NR5A2: variants seen among roughly 807,000 people sequenced by gnomAD.
NR5A2 encodes CYP7A promoter-binding factor.
Under a neutral mutation model 62.7 loss-of-function variants are expected in NR5A2, and 26 were observed. The observed-to-expected ratio is 0.41, with a 90% CI of 0.30 to 0.58. NR5A2 has a LOEUF of 0.58. Among genes scored for constraint, NR5A2 ranks in the 20% least tolerant of loss-of-function variants. NR5A2 has a pLI of 0.22. For synonymous variants in NR5A2, 246 were observed against 241.7 expected (o/e 1.02, Z -0.16); for missense variants, 541 against 669.1 (o/e 0.81, Z 2.11).
intron 1 of NR5A2, among the ~76,000 whole-genome samples, chr1:200,036,836 T>C (rs1319295427): frequency 6.6e-6 from 1 of 152,158 alleles, no homozygotes. Context: ...CCCCTCCATT[T>C]CGCTGCTACG....
intron 7 of NR5A2, among the ~76,000 whole-genome samples, chr1:200,169,632 T>C (rs1469152655): frequency 6.6e-6 from 1 of 152,182 alleles, no homozygotes; most frequent in Non-Finnish European, 1.5e-5. Flanking sequence ...GTAATGCTGC[T>C]TCATATAAAA....
chr1:200,041,454 G>A (rs188167255), intron 2 of NR5A2, among the ~76,000 whole-genome samples: 237 of 152,262 alleles, frequency 1.6e-3, no homozygotes, highest in African/African-American at 5.4e-3. Context: ...GCCCCTGGGG[G>A]ATGGGGACCC....
At chr1:200,059,420 G>A (rs1235714547) in intron 5 of NR5A2, among the ~76,000 whole-genome samples, 1 of 152,184 alleles carries the variant, frequency 6.6e-6, no homozygotes, top group African/African-American at 2.4e-5. Flanking sequence ...CTGCCTAGAA[G>A]TAGCCACATG....
chr1:200,089,552 C>G (rs1043086255), intron 5 of NR5A2, among the ~76,000 whole-genome samples: 1 of 152,214 alleles, frequency 6.6e-6, no homozygotes, highest in African/African-American at 2.4e-5. Flanking sequence ...CTCACTGCAG[C>G]CTGCGCCCCC....
rs1654416490 is a variant in NR5A2, at chr1:200,176,309, T to C, written c.*2099T>C. 1.3e-5 allele frequency: 2 copies of C among 152,652 alleles called. No individual in the cohort carries two copies. Among genetic ancestry groups the C allele is most frequent in the Non-Finnish European group, 2.9e-5 (2 of 68,042 alleles). 9.5% of individuals were successfully genotyped at this position (152,652 alleles called of 1,614,324 possible). A position where few individuals can be genotyped will look rare whatever the true frequency, so the allele number is the denominator to read the frequency against. ...TACAAAGAGGATTATTTTATTATGT[T>C]TATTAATCACCTCTAATACTCATCC... On this transcript the variant is annotated 3_prime_UTR_variant, in exon 8 of 8. Transcript: ENST00000367362.
chr1:200,167,343 C>A (rs147712231), intron 7 of NR5A2, among the ~76,000 whole-genome samples: 1 of 152,204 alleles, frequency 6.6e-6, no homozygotes, highest in Non-Finnish European at 1.5e-5. Context: ...CATCCAGGAC[C>A]CTCACTCTTT....
In NR5A2 at chr1:200,027,908, A is replaced by G. The variant is rs759506185; in HGVS notation, c.61A>G (p.Ile21Val). 14 of 1,584,680 alleles carry G rather than the reference A, an allele frequency of 8.8e-6. No individual in the cohort carries two copies. The highest frequency in any genetic ancestry group is 2.7e-5 in the African/African-American group (2 of 74,012). ...GTCTTTAAAGCACGGACTTACACCTATTGGTAAGTAGGAGTTTCTCTATTG... is the reference window on the plus strand; with the variant it reads ...GTCTTTAAAGCACGGACTTACACCTGTTGGTAAGTAGGAGTTTCTCTATTG... ...QESLKHGLTP[I>V]GAGLPDRHGS... The change falls in exon 1 of 8, where the codon ATT (isoleucine) becomes GTT (valine). Residue 21 changes from isoleucine to valine, a missense_variant. Physicochemically the swap from Ile to Val is conservative, Grantham distance 29 (BLOSUM62 3). Transcript: ENST00000367362.
At chr1:200,162,612 G>C (rs905723273) in intron 7 of NR5A2, among the ~76,000 whole-genome samples, 1 of 152,142 alleles carries the variant, frequency 6.6e-6, no homozygotes, top group Non-Finnish European at 1.5e-5. Flanking sequence ...AATATTGGAG[G>C]AATCAGTTAT....
chr1:200,117,414 G>A lies in NR5A2; in HGVS notation c.1231-3394G>A, dbSNP rs370834646. On this transcript the variant is annotated intron_variant, in intron 6 of 7. Coordinates refer to ENST00000367362, the MANE Select transcript of NR5A2 (RefSeq NM_205860.3). ...TAAGCATGTTTGAGCTTTCAAATTAGCATGTAAATAAATGTATAGTTATAA... is the reference window on the plus strand; with the variant it reads ...TAAGCATGTTTGAGCTTTCAAATTAACATGTAAATAAATGTATAGTTATAA... Among the ~76,000 whole-genome samples, 23 of 152,224 alleles carry A rather than the reference G, an allele frequency of 1.5e-4. 1 individual carries two copies. In the East Asian group the frequency reaches 2.5e-3, roughly 17 times the overall value.
At chr1:200,088,438 G>A (rs1249081628) in intron 5 of NR5A2, among the ~76,000 whole-genome samples, 1 of 151,816 alleles carries the variant, frequency 6.6e-6, no homozygotes, top group Non-Finnish European at 1.5e-5. Flanking sequence ...TGTATTTTTA[G>A]TAGTGACAGG....
At chr1:200,137,667 T>C (rs768252962) in intron 7 of NR5A2, among the ~76,000 whole-genome samples, 1 of 152,212 alleles carries the variant, frequency 6.6e-6, no homozygotes, top group Non-Finnish European at 1.5e-5. Context: ...GATTAAAACA[T>C]GAATTTGTGT....
intron 1 of NR5A2, among the ~76,000 whole-genome samples, chr1:200,035,450 A>G (rs1436543866): frequency 2.0e-5 from 3 of 151,880 alleles, no homozygotes; most frequent in Non-Finnish European, 4.4e-5. Context: ...GCACGGGTCA[A>G]GCGCGCGGGG....
At chr1:200,154,846 G>A (rs747063376) in intron 7 of NR5A2, among the ~76,000 whole-genome samples, 2 of 152,116 alleles carry the variant, frequency 1.3e-5, no homozygotes, top group Non-Finnish European at 2.9e-5. Flanking sequence ...ATCTACCCAC[G>A]TCTTCTCTTC....
At chr1:200,171,536 G>A (rs779656657) in intron 7 of NR5A2, among the ~76,000 whole-genome samples, 13 of 152,288 alleles carry the variant, frequency 8.5e-5, no homozygotes, top group Middle Eastern at 3.4e-3. Context: ...ATCACTGGAA[G>A]TCAGGAATTT....
chr1:200,027,923 T>A lies in NR5A2; in HGVS notation c.64+12T>A. ...ACTTACACCTATTGGTAAGTAGGAG[T>A]TTCTCTATTGATCATCTATTTATTC... On this transcript the variant is annotated intron_variant, in intron 1 of 7. Coordinates refer to ENST00000367362, the MANE Select transcript of NR5A2 (RefSeq NM_205860.3). The A allele has an allele frequency of 6.4e-7, 1 of 1,556,124 alleles. No homozygotes were observed. Among genetic ancestry groups the A allele is most frequent in the Non-Finnish European group, 8.8e-7 (1 of 1,141,772 alleles).
chr1:200,075,896 C>CTTTTCTTTTCTTTTCTTTTCT (rs762709648), intron 5 of NR5A2, among the ~76,000 whole-genome samples: 16 of 149,208 alleles, frequency 1.1e-4, no homozygotes, highest in African/African-American at 3.9e-4. Flanking sequence ...GTTTTCTTTT[C>CTTTTCTTTTCTTTTCTTTTCT]TTTTTTTTTT....
At chr1:200,129,249 TACACACACATACATAC>T (rs1009429616) in intron 7 of NR5A2, among the ~76,000 whole-genome samples, 1 of 137,420 alleles carries the variant, frequency 7.3e-6, no homozygotes, top group Non-Finnish European at 1.6e-5. Flanking sequence ...TCTGAATATA[TACACACACATACATAC>T]ACACACACAC....
At chr1:200,165,115 G>C (rs910132852) in intron 7 of NR5A2, among the ~76,000 whole-genome samples, 3 of 152,078 alleles carry the variant, frequency 2.0e-5, no homozygotes, top group Admixed American at 1.3e-4. Flanking sequence ...GACCTCAGGT[G>C]ATCTGCCCGC....
rs1553267511 is a variant in NR5A2, at chr1:200,062,227, T to TTATGTGTGTGTGTGTGTG, written c.1110+13410_1110+13411insATGTGTGTGTGTGTGTGT. 3.3e-4 allele frequency among the ~76,000 whole-genome samples: 48 copies of TTATGTGTGTGTGTGTGTG among 145,756 alleles called. 1 individual carries two copies. The highest frequency in any genetic ancestry group is 1.1e-3 in the African/African-American group (45 of 39,348). On this transcript the variant is annotated intron_variant, in intron 5 of 7. Transcript: ENST00000367362. The stretch of plus-strand genomic sequence containing the variant: ...CCCAAATAATTCTCCCTGGCAGATT[T>TTATGTGTGTGTGTGTGTG]TGTGTGTGTGTGTGTGTGTGTGTGT...
Sources: gnomAD v4.1 joint callset for allele counts (sites outside exome capture counted in the v4.1 genomes callset) on GRCh38, gnomAD v4.1.1 for gene constraint, MANE v1.5 for transcripts, NCBI Gene and HGNC (gene_info 2026-07-23, HGNC 2026-07-21) for gene names.